KDM4C: variants seen among roughly 807,000 people sequenced by gnomAD.
KDM4C encodes lysine demethylase 4C.
A neutral mutation model predicts 129.3 loss-of-function variants in KDM4C; 81 were observed. The observed-to-expected ratio is 0.63, with a 90% CI of 0.52 to 0.75. The LOEUF is 0.75. KDM4C is among the 30% of genes least tolerant of loss of function. The pLI, the probability that KDM4C is intolerant of heterozygous loss-of-function variation, is 0.00. For synonymous variants in KDM4C, 573 were observed against 456.1 expected (o/e 1.26, Z -3.26); for missense variants, 1,457 against 1,304.0 (o/e 1.12, Z -1.81).
rs1820340124 is a variant in KDM4C, at chr9:6,999,290, T to A, written c.1786+8766T>A. Among the ~76,000 whole-genome samples, 3 of 152,244 alleles carry A rather than the reference T, an allele frequency of 2.0e-5. No individual in the cohort carries two copies. In the South Asian group the frequency reaches 6.2e-4, roughly 32 times the overall value. On this transcript the variant is annotated intron_variant, in intron 12 of 21. Transcript: ENST00000381309. ...ATTTTAAGGATTTATTAAGTGAATA[T>A]GTTGACCAAATATAATGATGATGTC...
intron 15 of KDM4C, among the ~76,000 whole-genome samples, chr9:7,031,761 C>G: frequency 6.6e-6 from 1 of 152,164 alleles, no homozygotes; most frequent in Admixed American, 6.5e-5. Context: ...ATGGTTGCCA[C>G]TAATGCCCTT....
At chr9:6,984,538 G>T in intron 10 of KDM4C, 134 bp downstream of exon 10, 1 of 643,960 alleles carries the variant, frequency 1.6e-6, no homozygotes, top group Non-Finnish European at 2.8e-6. Flanking sequence ...AAAGTCATGG[G>T]TAACTCAACC....
chr9:6,833,338 TA>T (rs940847035), intron 4 of KDM4C, among the ~76,000 whole-genome samples: 1 of 151,978 alleles, frequency 6.6e-6, no homozygotes, highest in Non-Finnish European at 1.5e-5. Context: ...GGGAGTCTTT[TA>T]AAAAAAATAG....
intron 19 of KDM4C, among the ~76,000 whole-genome samples, chr9:7,151,767 G>T (rs1480777231): frequency 6.6e-6 from 1 of 152,184 alleles, no homozygotes; most frequent in Non-Finnish European, 1.5e-5. Context: ...AAGCAGCTTG[G>T]CTTGAATCGA....
At chr9:6,885,171 T>A (rs1845067378) in intron 6 of KDM4C, among the ~76,000 whole-genome samples, 1 of 152,168 alleles carries the variant, frequency 6.6e-6, no homozygotes, top group African/African-American at 2.4e-5. Flanking sequence ...TCACACCTCT[T>A]TGTACTTAAC....
chr9:6,961,247 C>T (rs1188480440), intron 8 of KDM4C, among the ~76,000 whole-genome samples: 1 of 152,032 alleles, frequency 6.6e-6, no homozygotes, highest in Non-Finnish European at 1.5e-5. Context: ...AAAAGGATGG[C>T]TTGATAATTA....
chr9:7,064,200 A>G (rs1482122429), intron 17 of KDM4C, among the ~76,000 whole-genome samples: 3 of 152,220 alleles, frequency 2.0e-5, no homozygotes, highest in Non-Finnish European at 4.4e-5. Context: ...GAGATACGTT[A>G]TAAGTGTAAA....
At chr9:6,891,611 C>G (rs978470455) in intron 7 of KDM4C, among the ~76,000 whole-genome samples, 1 of 152,008 alleles carries the variant, frequency 6.6e-6, no homozygotes, top group Non-Finnish European at 1.5e-5. Context: ...TTGTGATATA[C>G]TAAAAACCAA....
At chr9:6,754,579 A>T (rs1222254396), upstream of KDM4C, among the ~76,000 whole-genome samples, 1 of 152,268 alleles carries the variant, frequency 6.6e-6, no homozygotes, top group East Asian at 1.9e-4. Flanking sequence ...ATTATTTAGA[A>T]GTATATCAAT....
intron 17 of KDM4C, among the ~76,000 whole-genome samples, chr9:7,065,179 C>A (rs1243533147): frequency 6.6e-6 from 1 of 152,120 alleles, no homozygotes; most frequent in African/African-American, 2.4e-5. Flanking sequence ...ATTTCGGAAT[C>A]CCTTTTAGTT....
chr9:7,122,066 T>G (rs572544922), intron 18 of KDM4C, among the ~76,000 whole-genome samples: 15 of 152,256 alleles, frequency 9.9e-5, no homozygotes, highest in African/African-American at 3.6e-4. Context: ...AAGAACTACC[T>G]GAGACTGGGT....
At position 6,738,135 on chromosome 9, in the gene KDM4C, AAAACTAAACTAAACT is replaced by A. The variant is rs200468678; in HGVS notation, c.49+17172_49+17186del. Among the ~76,000 whole-genome samples, 1,294 of 142,290 alleles carry A rather than the reference AAAACTAAACTAAACT, an allele frequency of 9.1e-3. 18 individuals carry two copies. Among genetic ancestry groups the A allele is most frequent in the African/African-American group, 0.031 (1,169 of 37,890 alleles). 93.3% of individuals were successfully genotyped at this position (142,290 alleles called of 152,430 possible). A position where few individuals can be genotyped will look rare whatever the true frequency, so the allele number is the denominator to read the frequency against. ...GCAACAAGACCAAAACTCCCTCTCA[AAAACTAAACTAAACT>A]AAACTAAACTAAACTAAACTAAACT... On this transcript the variant is annotated intron_variant, in intron 1 of 17. Coordinates refer to the KDM4C transcript ENST00000536108.
chr9:6,810,472 G>T (rs1049149289), intron 3 of KDM4C, among the ~76,000 whole-genome samples: 3 of 152,138 alleles, frequency 2.0e-5, no homozygotes, highest in African/African-American at 7.2e-5. Context: ...ACATTCTGGG[G>T]TTTAGAGATG....
intron 17 of KDM4C, among the ~76,000 whole-genome samples, chr9:7,056,605 C>T (rs1294164467): frequency 6.6e-6 from 1 of 152,106 alleles, no homozygotes; most frequent in African/African-American, 2.4e-5. Context: ...TTTTCTTTAT[C>T]TGTTGAGAGA....
intron 17 of KDM4C, among the ~76,000 whole-genome samples, chr9:7,062,911 T>G (rs762309458): frequency 5.3e-5 from 8 of 152,174 alleles, no homozygotes; most frequent in African/African-American, 1.9e-4. Context: ...AAATATAAAC[T>G]AATTTTTCCC....
intron 8 of KDM4C, among the ~76,000 whole-genome samples, chr9:6,920,698 T>A (rs1278868848): frequency 1.3e-5 from 2 of 152,192 alleles, no homozygotes; most frequent in African/African-American, 4.8e-5. Flanking sequence ...AACAGATTAA[T>A]TTGTACATTA....
intron 4 of KDM4C, among the ~76,000 whole-genome samples, chr9:6,842,319 T>C (rs1588638971): frequency 7.3e-6 from 1 of 136,718 alleles, no homozygotes; most frequent in South Asian, 2.6e-4. Context: ...TTTCTTTTTT[T>C]TTTTTTTTTT....
chr9:6,885,700 T>C (rs1465963401), intron 6 of KDM4C, among the ~76,000 whole-genome samples: 1 of 151,996 alleles, frequency 6.6e-6, no homozygotes, highest in Non-Finnish European at 1.5e-5. Flanking sequence ...AGAGTGAGTA[T>C]GAACCATGTA....
intron 21 of KDM4C, among the ~76,000 whole-genome samples, chr9:7,173,897 G>C (rs1021810818): frequency 6.6e-6 from 1 of 152,200 alleles, no homozygotes; most frequent in African/African-American, 2.4e-5. Context: ...TGAAGCCAGG[G>C]GTGTGGGCAC....
Sources: allele counts gnomAD v4.1 joint callset (sites outside exome capture counted in the v4.1 genomes callset), GRCh38; gene constraint gnomAD v4.1.1; transcripts MANE v1.5; gene names NCBI Gene and HGNC (gene_info 2026-07-23, HGNC 2026-07-21).